The following GLI2 variants were observed in gnomAD, a reference collection of about 807,000 sequenced individuals.
GLI2 encodes the protein GLI family zinc finger 2, also known as transcription activator GLI2.
Under a neutral mutation model 78.9 loss-of-function variants are expected in GLI2, and 22 were observed. That is an observed-to-expected ratio of 0.28 (90% CI 0.20 to 0.40). GLI2 has a LOEUF of 0.40. GLI2 is among the 10% of genes least tolerant of loss of function. The pLI is 1.00. For missense variants in GLI2, 2,097 were observed against 2,213.2 expected, an observed-to-expected ratio of 0.95 and a Z score of 1.05; for synonymous variants, 974 against 963.7, an observed-to-expected ratio of 1.01 and a Z score of -0.20.
intron 1 of GLI2, among the ~76,000 whole-genome samples, chr2:120,754,050 A>G (rs1414860128): frequency 6.6e-6 from 1 of 152,018 alleles, no homozygotes; most frequent in African/African-American, 2.4e-5. Context: ...ATGTGGATAT[A>G]TTGCGTAGTG....
intron 1 of GLI2, among the ~76,000 whole-genome samples, chr2:120,778,319 A>G (rs2104666813): frequency 6.6e-6 from 1 of 151,938 alleles, no homozygotes; most frequent in Admixed American, 6.6e-5. Context: ...GTATCTCAGA[A>G]CTCGACGTTA....
chr2:120,839,344 C>A (rs1162273939), intron 2 of GLI2, among the ~76,000 whole-genome samples: 1 of 152,124 alleles, frequency 6.6e-6, no homozygotes, highest in Admixed American at 6.6e-5. Context: ...TAAAAAATTA[C>A]TAATTCAGTT....
intron 2 of GLI2, among the ~76,000 whole-genome samples, chr2:120,799,155 C>T (rs934920796): frequency 6.6e-6 from 1 of 152,220 alleles, no homozygotes; most frequent in Non-Finnish European, 1.5e-5. Flanking sequence ...GCAACAGATG[C>T]TTGAGGGATT....
At chr2:120,877,642 A>G (rs1039212590) in intron 2 of GLI2, among the ~76,000 whole-genome samples, 4 of 152,098 alleles carry the variant, frequency 2.6e-5, no homozygotes, top group South Asian at 2.1e-4. Flanking sequence ...GCACTTTTCT[A>G]TCTGGTTGCT....
chr2:120,952,157 G>A (rs757538521), intron 4 of GLI2, among the ~76,000 whole-genome samples: 7 of 152,200 alleles, frequency 4.6e-5, no homozygotes, highest in East Asian at 1.9e-4. Flanking sequence ...CCACCATGCC[G>A]TCTCCCTGGG....
At chr2:120,966,752 T>C (rs1482908611) in intron 5 of GLI2, among the ~76,000 whole-genome samples, 1 of 152,222 alleles carries the variant, frequency 6.6e-6, no homozygotes, top group Non-Finnish European at 1.5e-5. Flanking sequence ...GTGCGGGCTC[T>C]GCCCTCACAC....
chr2:120,876,990 T>G (rs535279370), intron 2 of GLI2, among the ~76,000 whole-genome samples: 4 of 152,314 alleles, frequency 2.6e-5, no homozygotes, highest in African/African-American at 9.6e-5. Context: ...GGTCCACTGC[T>G]CACTCAGTAG....
rs1272763855 is a variant in GLI2, at chr2:120,991,017, A to C, written c.*342A>C. 1.2e-5 allele frequency: 3 copies of C among 260,456 alleles called. No homozygotes were observed. Among genetic ancestry groups the C allele is most frequent in the Non-Finnish European group, 1.5e-5 (2 of 136,382 alleles). 16.1% of individuals were successfully genotyped at this position (260,456 alleles called of 1,614,324 possible). On this transcript the variant is annotated 3_prime_UTR_variant, in exon 14 of 14. Coordinates refer to ENST00000361492, the MANE Select transcript of GLI2 (RefSeq NM_001374353.1). The stretch of plus-strand genomic sequence containing the variant: ...CTAACGAGGGATTACTTTGGCCAAA[A>C]CCTTTCAAAGGATATGCAGAAAGAT...
At chr2:120,856,381 G>T (rs1687644778) in intron 2 of GLI2, among the ~76,000 whole-genome samples, 1 of 152,192 alleles carries the variant, frequency 6.6e-6, no homozygotes, top group South Asian at 2.1e-4. Context: ...TTCCTGTGGG[G>T]CTCCAGGTTG....
intron 3 of GLI2, among the ~76,000 whole-genome samples, chr2:120,946,305 G>A (rs893090849): frequency 2.0e-5 from 3 of 152,186 alleles, no homozygotes; most frequent in Non-Finnish European, 4.4e-5. Context: ...AGGCTCAGAC[G>A]AGCTCTGAGC....
At chr2:120,889,173 A>G (rs1210210967) in intron 2 of GLI2, among the ~76,000 whole-genome samples, 1 of 152,218 alleles carries the variant, frequency 6.6e-6, no homozygotes, top group Non-Finnish European at 1.5e-5. Flanking sequence ...GTGTCTCAGA[A>G]AAGTCTTGAA....
intron 1 of GLI2, among the ~76,000 whole-genome samples, chr2:120,768,958 T>C (rs1403049818): frequency 6.6e-6 from 1 of 152,210 alleles, no homozygotes; most frequent in Non-Finnish European, 1.5e-5. Flanking sequence ...CTGACCATTC[T>C]TTTAGCTCTT....
chr2:120,955,949 G>A (rs1252015080), intron 5 of GLI2, among the ~76,000 whole-genome samples: 2 of 152,156 alleles, frequency 1.3e-5, no homozygotes, highest in African/African-American at 4.8e-5. Flanking sequence ...TGGCAGTGAG[G>A]GGTGGGAGTG....
intron 2 of GLI2, among the ~76,000 whole-genome samples, chr2:120,901,907 C>A (rs931997310): frequency 6.6e-6 from 1 of 152,144 alleles, no homozygotes; most frequent in Non-Finnish European, 1.5e-5. Context: ...CATTTTTAAA[C>A]ATATACTTGT....
chr2:120,968,702 A>C lies in GLI2; in HGVS notation c.644-12A>C. On this transcript the variant is annotated splice_polypyrimidine_tract_variant and intron_variant, in intron 5 of 13. Coordinates refer to ENST00000361492, the MANE Select transcript of GLI2 (RefSeq NM_001374353.1). ...AGTGATGCTGACCTGTCTTGTGTTG[A>C]CTATCCCACAGTGTCCCGTTTCTCC... 6.4e-7 allele frequency: 1 copy of C among 1,558,058 alleles called. No homozygotes were observed.
chr2:120,975,014 G>A lies in GLI2; in HGVS notation c.1222G>A (p.Asp408Asn). 1 of 1,614,182 alleles carries A rather than the reference G, an allele frequency of 6.2e-7. No homozygotes were observed. The highest frequency in any genetic ancestry group is 8.5e-7 in the Non-Finnish European group (1 of 1,180,034). Residue 408 changes from aspartate to asparagine, a missense_variant, in exon 9 of 14, where the codon GAC becomes AAC. Around this residue, in one of 5 missense-constraint regions of GLI2, gnomAD observed 578 missense variants for 612.0 expected, o/e 0.94. Transcript: ENST00000361492. The stretch of plus-strand genomic sequence containing the variant: ...CCTCAAGGAAGATCTGGACAGGGAT[G>A]ACTGTAAGCAGGAGGCTGAGGTGGT... ...ADLKEDLDRD[D>N]CKQEAEVVIY...
intron 1 of GLI2, among the ~76,000 whole-genome samples, chr2:120,776,900 AG>A (rs1683695042): frequency 6.6e-6 from 1 of 152,022 alleles, no homozygotes; most frequent in Non-Finnish European, 1.5e-5. Flanking sequence ...CTGCGTGGGG[AG>A]CTGTGGGCCA....
chr2:120,829,742 C>A (rs1347143752), intron 2 of GLI2, among the ~76,000 whole-genome samples: 1 of 152,224 alleles, frequency 6.6e-6, no homozygotes, highest in Non-Finnish European at 1.5e-5. Context: ...ACCAGGGTGG[C>A]TGCAGGAGGG....
rs138193772 is a variant in GLI2, at chr2:120,892,434, A to G, written c.149-34927A>G. 5.8e-3 allele frequency among the ~76,000 whole-genome samples: 882 copies of G among 152,328 alleles called. 7 individuals are homozygous for G. Among genetic ancestry groups the G allele is most frequent in the Middle Eastern group, 0.014 (4 of 294 alleles). ...TGGGTGCATAAATCCTGCTCTGTGC[A>G]TAAATCCTGTCCCAGCTAGCCAGGG... On this transcript the variant is annotated intron_variant, in intron 2 of 13. Coordinates refer to ENST00000361492, the MANE Select transcript of GLI2 (RefSeq NM_001374353.1).
Sources: gnomAD v4.1 joint callset for allele counts (sites outside exome capture counted in the v4.1 genomes callset) on GRCh38, gnomAD v4.1.1 for gene constraint, gnomAD v4.1.1 regional missense constraint, MANE v1.5 for transcripts, NCBI Gene and HGNC (gene_info 2026-07-23, HGNC 2026-07-21) for gene names.